Variants in UNC5D observed in about 807,000 individuals in gnomAD.
The protein encoded by UNC5D is netrin receptor UNC5D.
Under a neutral mutation model 105.4 loss-of-function variants are expected in UNC5D, and 39 were observed. That is an observed-to-expected ratio of 0.37 (90% CI 0.29 to 0.48). UNC5D has a LOEUF of 0.48. Ranked by LOEUF, UNC5D falls within the 20% of genes least tolerant of loss-of-function variation. UNC5D has a pLI of 0.98. For missense variants in UNC5D, 991 were observed against 1,202.4 expected, an observed-to-expected ratio of 0.82 and a Z score of 2.60; for synonymous variants, 452 against 450.4, an observed-to-expected ratio of 1.00 and a Z score of -0.04.
intron 1 of UNC5D, among the ~76,000 whole-genome samples, chr8:35,458,236 G>A (rs1161012227): frequency 2.6e-5 from 4 of 152,088 alleles, no homozygotes; most frequent in African/African-American, 9.7e-5. Context: ...TAGGCAGACT[G>A]TTTTCTGGCA....
intron 1 of UNC5D, among the ~76,000 whole-genome samples, chr8:35,381,678 C>G (rs1563362400): frequency 6.6e-6 from 1 of 152,182 alleles, no homozygotes; most frequent in Non-Finnish European, 1.5e-5. Flanking sequence ...TGAAGCACTG[C>G]CATTAGTTTA....
intron 4 of UNC5D, among the ~76,000 whole-genome samples, chr8:35,679,574 C>G (rs1212396360): frequency 3.3e-5 from 5 of 152,048 alleles, no homozygotes; most frequent in Admixed American, 3.3e-4. Flanking sequence ...TGCTAGAACC[C>G]CCATAAGGAT....
intron 1 of UNC5D, among the ~76,000 whole-genome samples, chr8:35,431,742 G>A (rs1806651174): frequency 6.6e-6 from 1 of 151,888 alleles, no homozygotes; most frequent in Admixed American, 6.6e-5. Flanking sequence ...AAATTAGTTT[G>A]GTATTATTTT....
Position 35,272,346 on chromosome 8 carries a change from C to A in UNC5D, c.103+36459C>A, listed in dbSNP as rs111293367. The stretch of plus-strand genomic sequence containing the variant: ...GATGTGGGCTCTGAGTGCAGACCAG[C>A]TTGCGGGAAGTTCACTGGTCACACC... On this transcript the variant is annotated intron_variant, in intron 1 of 16. Coordinates refer to ENST00000404895, the MANE Select transcript of UNC5D (RefSeq NM_080872.4). Among the ~76,000 whole-genome samples the A allele has an allele frequency of 3.5e-3, 526 of 152,246 alleles. 7 individuals are homozygous for A. The highest frequency in any genetic ancestry group is 0.012 in the African/African-American group (499 of 41,520).
intron 1 of UNC5D, among the ~76,000 whole-genome samples, chr8:35,349,254 C>A (rs953342676): frequency 8.6e-5 from 13 of 151,868 alleles, no homozygotes; most frequent in African/African-American, 3.1e-4. Flanking sequence ...AGTTAAGTGA[C>A]AATGTAGGAA....
At chr8:35,749,522 A>C (rs565015756) in intron 12 of UNC5D, among the ~76,000 whole-genome samples, 1 of 152,356 alleles carries the variant, frequency 6.6e-6, no homozygotes, top group African/African-American at 2.4e-5. Context: ...ATGTTTCTTT[A>C]GAAGAAGAAA....
chr8:35,561,895 C>G (rs1475911112), intron 2 of UNC5D, among the ~76,000 whole-genome samples: 1 of 152,118 alleles, frequency 6.6e-6, no homozygotes, highest in Admixed American at 6.6e-5. Flanking sequence ...ATTCAAATTC[C>G]TCTTTTCTAG....
chr8:35,422,678 C>T (rs1053974237), intron 1 of UNC5D, among the ~76,000 whole-genome samples: 2 of 152,182 alleles, frequency 1.3e-5, no homozygotes, highest in African/African-American at 4.8e-5. Context: ...TTTGGCATCA[C>T]TTGAAATCAT....
intron 7 of UNC5D, among the ~76,000 whole-genome samples, chr8:35,693,562 T>C (rs1265180674): frequency 6.6e-6 from 1 of 152,166 alleles, no homozygotes; most frequent in East Asian, 1.9e-4. Context: ...AAACTTTTTC[T>C]GTTGTCACCA....
chr8:35,372,482 T>C (rs1802479107), intron 1 of UNC5D, among the ~76,000 whole-genome samples: 2 of 152,148 alleles, frequency 1.3e-5, no homozygotes, highest in Admixed American at 6.5e-5. Context: ...TATGATACTT[T>C]TACAGAGAAG....
At chr8:35,279,756 A>G (rs1806017022) in intron 1 of UNC5D, among the ~76,000 whole-genome samples, 1 of 152,226 alleles carries the variant, frequency 6.6e-6, no homozygotes, top group South Asian at 2.1e-4. Flanking sequence ...ATTGAGGTAG[A>G]GAGAGGCTCA....
intron 1 of UNC5D, among the ~76,000 whole-genome samples, chr8:35,437,215 T>C (rs1271070938): frequency 1.3e-5 from 2 of 152,100 alleles, no homozygotes; most frequent in Non-Finnish European, 1.5e-5. Flanking sequence ...ATGCTCATTA[T>C]AAAAATTTAA....
intron 1 of UNC5D, among the ~76,000 whole-genome samples, chr8:35,395,272 A>G (rs1271943526): frequency 6.6e-6 from 1 of 152,144 alleles, no homozygotes; most frequent in African/African-American, 2.4e-5. Context: ...CTATAACTTG[A>G]CTATTTGGAC....
At chr8:35,631,608 C>G (rs143152404) in intron 4 of UNC5D, among the ~76,000 whole-genome samples, 3 of 152,118 alleles carry the variant, frequency 2.0e-5, no homozygotes, top group Non-Finnish European at 4.4e-5. Context: ...AGAAAAGGGC[C>G]GAAGTTGCTC....
At chr8:35,512,580 T>C (rs1812832518) in intron 1 of UNC5D, among the ~76,000 whole-genome samples, 1 of 126,892 alleles carries the variant, frequency 7.9e-6, no homozygotes, top group African/African-American at 3.2e-5. Context: ...TCTGAATAGA[T>C]TACTAAATGG....
chr8:35,738,452 A>G (rs1406347594), intron 11 of UNC5D, among the ~76,000 whole-genome samples: 1 of 152,192 alleles, frequency 6.6e-6, no homozygotes, highest in African/African-American at 2.4e-5. Flanking sequence ...TCTGAAGTAC[A>G]TGGAATTTGC....
At position 35,657,843 on chromosome 8, in the gene UNC5D, T is replaced by C. The variant is rs1446760053; in HGVS notation, c.571-25704T>C. On this transcript the variant is annotated intron_variant, in intron 4 of 16. Transcript: ENST00000404895. ...CTAGCAAATATCTATACATTTGACA[T>C]CTAGAGAGGGGAACTTTTAGGTGAA... Among the ~76,000 whole-genome samples, 3 of 152,170 alleles carry C rather than the reference T, an allele frequency of 2.0e-5. No homozygotes were observed. In the East Asian group the frequency reaches 5.8e-4, roughly 29 times the overall value.
At chr8:35,308,867 T>C (rs1808645987) in intron 1 of UNC5D, among the ~76,000 whole-genome samples, 2 of 152,224 alleles carry the variant, frequency 1.3e-5, no homozygotes, top group Admixed American at 1.3e-4. Context: ...AAAAAAATTA[T>C]GATTATTCCA....
intron 1 of UNC5D, among the ~76,000 whole-genome samples, chr8:35,395,121 A>G (rs1408003753): frequency 2.6e-5 from 4 of 152,220 alleles, no homozygotes; most frequent in Non-Finnish European, 4.4e-5. Context: ...GGGAAATTAC[A>G]TGGATAATGT....
Sources: gnomAD v4.1 joint callset for allele counts (sites outside exome capture counted in the v4.1 genomes callset) on GRCh38, gnomAD v4.1.1 for gene constraint, MANE v1.5 for transcripts, NCBI Gene and HGNC (gene_info 2026-07-23, HGNC 2026-07-21) for gene names.